The following ARHGEF40 variants were observed in gnomAD, a reference collection of about 807,000 sequenced individuals.
ARHGEF40 encodes the protein Rho guanine nucleotide exchange factor (GEF) 40.
In ARHGEF40, 98 loss-of-function variants were observed where a neutral mutation model predicts 165.9. The observed-to-expected ratio is 0.59, with a 90% CI of 0.50 to 0.70. ARHGEF40 has a LOEUF of 0.70. Ranked by LOEUF, ARHGEF40 falls within the 30% of genes least tolerant of loss-of-function variation. The pLI, the probability that ARHGEF40 is intolerant of heterozygous loss-of-function variation, is 0.00. For missense variants in ARHGEF40, 1,815 were observed against 1,968.0 expected, an observed-to-expected ratio of 0.92 and a Z score of 1.47; for synonymous variants, 792 against 814.3, an observed-to-expected ratio of 0.97 and a Z score of 0.47.
intron 23 of ARHGEF40, 37 bp downstream of exon 23, chr14:21,088,913 C>T (rs754180652): frequency 1.2e-5 from 20 of 1,601,626 alleles, no homozygotes; most frequent in Non-Finnish European, 1.6e-5. Flanking sequence ...ACATCCAGCA[C>T]TCCTACCATC....
chr14:21,077,790 C>G (rs115150532), intron 8 of ARHGEF40, among the ~76,000 whole-genome samples: 1 of 152,158 alleles, frequency 6.6e-6, no homozygotes, highest in African/African-American at 2.4e-5. Context: ...TAGATGGTCT[C>G]TAAGCTTCGC....
At chr14:21,088,325 T>G (rs1381522907) in intron 22 of ARHGEF40, among the ~76,000 whole-genome samples, 1 of 152,100 alleles carries the variant, frequency 6.6e-6, no homozygotes, top group Non-Finnish European at 1.5e-5. Context: ...ATAAGGAGTA[T>G]AGTGCTGGGG....
At position 21,087,338 on chromosome 14, in the gene ARHGEF40, C is replaced by A; in HGVS notation, c.4262C>A (p.Ser1421Tyr). 6.2e-7 allele frequency: 1 copy of A among 1,606,534 alleles called. No individual in the cohort carries two copies. ...LTGRAARTRA[S>Y]VAVSSFEHAG... is the part of the protein sequence containing the mutation. The stretch of plus-strand genomic sequence containing the variant: ...TCTGCAGCCGCCCGCACCCGGGCCT[C>A]CGTGGCCGTGTCATCCTTTGAGCAT... Residue 1421 changes from serine (S) to tyrosine (Y), a missense_variant, in exon 21 of 24, where the codon TCC (serine) becomes TAC (tyrosine). Coordinates refer to ENST00000298694, the MANE Select transcript of ARHGEF40 (RefSeq NM_018071.5).
chr14:21,087,609 C>A, intron 21 of ARHGEF40, 146 bp downstream of exon 21: 1 of 1,186,724 alleles, frequency 8.4e-7, no homozygotes, highest in Non-Finnish European at 1.2e-6. Context: ...CTAAAAGAGC[C>A]TTCCATCTGG....
In ARHGEF40 at chr14:21,085,823, T is replaced by A; in HGVS notation, c.4095T>A (p.Ser1365Arg). The change falls in exon 19 of 24, where the codon AGT becomes AGA. Residue 1365 changes from serine to arginine, a missense_variant. By Grantham distance (110) the Ser-to-Arg change is moderately radical. Transcript: ENST00000298694. Reference protein sequence around the residue: ...TSPEIKLKWTSSIAQLLWRQA... With the variant: ...TSPEIKLKWTRSIAQLLWRQA... ...CAGAGATCAAACTCAAGTGGACAAG[T>A]TCTATTGCCCAGCTGCTGTGGAGAC... 2 of 1,614,134 alleles carry A rather than the reference T, an allele frequency of 1.2e-6. No individual in the cohort carries two copies. The highest frequency in any genetic ancestry group is 1.7e-6 in the Non-Finnish European group (2 of 1,180,036).
chr14:21,085,890 G>C, intron 19 of ARHGEF40, 24 bp downstream of exon 19: 1 of 1,611,606 alleles, frequency 6.2e-7, no homozygotes, highest in Non-Finnish European at 8.5e-7. Context: ...CTGAGGAAGG[G>C]GGTGCTTGGA....
At chr14:21,084,517 T>C (rs1202574028) in intron 17 of ARHGEF40, among the ~76,000 whole-genome samples, 2 of 152,230 alleles carry the variant, frequency 1.3e-5, no homozygotes, top group African/African-American at 2.4e-5. Context: ...CAGGTGGCTA[T>C]AAACCCTACT....
chr14:21,063,668 G>T, the ARHGEF40 span, among the ~76,000 whole-genome samples: 7 of 152,332 alleles, frequency 4.6e-5, no homozygotes, highest in Admixed American at 4.6e-4. Flanking sequence ...TGACTCTGCT[G>T]GGGGTCTGCC....
rs993473842 is a variant in ARHGEF40 at position 21,082,214 on chromosome 14, C to T, written c.3252-30C>T. The stretch of plus-strand genomic sequence containing the variant: ...TTGGGGGTACTGGCTCCCTCCCACA[C>T]CTCCTCTGCCACTCCTATTGTGCCT... On this transcript the variant is annotated intron_variant, in intron 14 of 23. Transcript: ENST00000298694. The T allele has an allele frequency of 5.7e-6, 9 of 1,589,860 alleles. No individual in the cohort carries two copies. In the African/African-American group the frequency reaches 1.2e-4, roughly 21 times the overall value.
chr14:21,070,755 G>A lies in ARHGEF40; in HGVS notation c.3+356G>A, dbSNP rs1025754658. 39 of 1,491,592 alleles carry A rather than the reference G, an allele frequency of 2.6e-5. No individual in the cohort carries two copies. The highest frequency in any genetic ancestry group is 5.9e-5 in the Admixed American group (3 of 50,472). 92.4% of individuals were successfully genotyped at this position (1,491,592 alleles called of 1,614,324 possible). ...CCCTCCTGGTCCGAGCTCCTTACCC[G>A]CGGGAGACCCCTGCGGGTTGGTCCT... On this transcript the variant is annotated intron_variant, in intron 1 of 23. Coordinates refer to ENST00000298694, the MANE Select transcript of ARHGEF40 (RefSeq NM_018071.5). This position sits in a 1 kb window ranked among gnomAD's most constrained non-coding sequence, Gnocchi z 4.7.
chr14:21,064,600 C>T, the ARHGEF40 span, among the ~76,000 whole-genome samples: 1 of 152,176 alleles, frequency 6.6e-6, no homozygotes, highest in African/African-American at 2.4e-5. Flanking sequence ...CCGCACCCAG[C>T]CTACTTGATG....
Position 21,074,980 on chromosome 14 carries a change from T to C in ARHGEF40, c.1250T>C (p.Leu417Pro), listed in dbSNP as rs778327165. Residue 417 changes from leucine to proline, a missense_variant, in exon 3 of 24, where the codon CTG (leucine) becomes CCG (proline). Physicochemically the swap from Leu to Pro is moderately conservative, Grantham distance 98. Transcript: ENST00000298694. The surrounding 1 kb of genome is among the most constrained non-coding windows in gnomAD (Gnocchi z 4.8). ...DASHQEALGN[L>P]PSPSEHKLPE... Reference sequence around the variant, plus strand: ...AGCCACCAAGAAGCCCTTGGCAATCTGCCCTCACCAAGTGAGCACAAGCTT... The same window carrying C: ...AGCCACCAAGAAGCCCTTGGCAATCCGCCCTCACCAAGTGAGCACAAGCTT... 9.9e-6 allele frequency: 16 copies of C among 1,612,018 alleles called. No homozygotes were observed. The South Asian group carries it at 1.8e-4, about 18-fold the overall frequency.
chr14:21,082,537 A>C, intron 15 of ARHGEF40, 59 bp downstream of exon 15: 1 of 1,486,226 alleles, frequency 6.7e-7, no homozygotes, highest in Non-Finnish European at 9.0e-7. Context: ...AGCCTCATCC[A>C]TCTGTCCCTC....
In ARHGEF40 at chr14:21,073,171, G is replaced by T; in HGVS notation, c.130G>T (p.Ala44Ser). 6.2e-7 allele frequency: 1 copy of T among 1,614,026 alleles called. No individual in the cohort carries two copies. Among genetic ancestry groups the T allele is most frequent in the Non-Finnish European group, 8.5e-7 (1 of 1,179,992 alleles). Residue 44 changes from alanine (A) to serine (S), a missense_variant, in exon 2 of 24, where the codon GCA (alanine) becomes TCA (serine). Ala to Ser is a moderately conservative substitution (Grantham distance 99, BLOSUM62 1). Transcript: ENST00000298694. This position sits in a 1 kb window ranked among gnomAD's most constrained non-coding sequence, Gnocchi z 4.6. ...QVVERTYRED[A>S]LRYTLDFLVP... ...GGTGGAGAGGACTTATCGGGAGGAC[G>T]CACTGAGGTACACGCTGGACTTCCT...
chr14:21,074,141 C>A lies in ARHGEF40; in HGVS notation c.411C>A (p.Pro137=), dbSNP rs1283871332. The A allele has an allele frequency of 1.9e-6, 3 of 1,613,972 alleles. No individual in the cohort carries two copies. Among genetic ancestry groups the A allele is most frequent in the Non-Finnish European group, 2.5e-6 (3 of 1,180,008 alleles). The change falls in exon 3 of 24, where the codon CCC becomes CCA. Residue 137 remains proline, a synonymous_variant. Coordinates refer to ENST00000298694, the MANE Select transcript of ARHGEF40 (RefSeq NM_018071.5). The surrounding 1 kb of genome is among the most constrained non-coding windows in gnomAD (Gnocchi z 4.8). ...GGGRVQEVPV[P]NEACAYLFTP... is the part of the protein sequence containing the mutation. ...GGCGGGTGCAGGAGGTTCCTGTGCC[C>A]AATGAGGCTTGTGCCTACCTATTCA...
rs771870720 is a variant in ARHGEF40 at position 21,074,374 on chromosome 14, C to T, written c.644C>T (p.Pro215Leu). 6.2e-7 allele frequency: 1 copy of T among 1,613,958 alleles called. No individual in the cohort carries two copies. Among genetic ancestry groups the T allele is most frequent in the East Asian group, 2.2e-5 (1 of 44,880 alleles). ...TCTGGACCTCCAGGGCTTCCCAGCC[C>T]TCCACTTCCTGAGGAGGCGCTGGGT... ...LPSGPPGLPS[P>L]PLPEEALGTR... is the part of the protein sequence containing the mutation. Residue 215 changes from proline (P) to leucine (L), a missense_variant, in exon 3 of 24, where the codon CCT becomes CTT. Pro to Leu is a moderately conservative substitution (Grantham distance 98, BLOSUM62 -3). Coordinates refer to ENST00000298694, the MANE Select transcript of ARHGEF40 (RefSeq NM_018071.5). The surrounding 1 kb of genome is among the most constrained non-coding windows in gnomAD (Gnocchi z 4.8).
In ARHGEF40 at chr14:21,073,045, G is replaced by A. The variant is rs754302344; in HGVS notation, c.4G>A (p.Glu2Lys). 1 of 1,613,588 alleles carries A rather than the reference G, an allele frequency of 6.2e-7. No individual in the cohort carries two copies. ...CTGTAGCCTGGTCCTATCTCTACAG[G>A]AGCCTGAGCCAGTGGAGGACTGTGT... M[E>K]PEPVEDCVQS... Residue 2 changes from glutamate to lysine, a missense_variant and splice_region_variant, in exon 2 of 24, where the codon GAG becomes AAG. By Grantham distance (56) the Glu-to-Lys change is moderately conservative. Transcript: ENST00000298694. This position sits in a 1 kb window ranked among gnomAD's most constrained non-coding sequence, Gnocchi z 4.6.
At position 21,081,863 on chromosome 14, in the gene ARHGEF40, G is replaced by A; in HGVS notation, c.2995G>A (p.Gly999Arg). Reference sequence around the variant, plus strand: ...CTCCTTGCTGCTCCCCAGCAGCCCTGGGCCACGGCCAGCCCCATCCCATTG... The same window carrying A: ...CTCCTTGCTGCTCCCCAGCAGCCCTAGGCCACGGCCAGCCCCATCCCATTG... ...LSSLLLPSSP[G>R]PRPAPSHCSL... is the part of the protein sequence containing the mutation. Residue 999 changes from glycine (G) to arginine (R), a missense_variant, in exon 14 of 24, where the codon GGG (glycine) becomes AGG (arginine). Coordinates refer to ENST00000298694, the MANE Select transcript of ARHGEF40 (RefSeq NM_018071.5). 6.2e-7 allele frequency: 1 copy of A among 1,612,732 alleles called. No homozygotes were observed. Among genetic ancestry groups the A allele is most frequent in the Non-Finnish European group, 8.5e-7 (1 of 1,179,792 alleles).
At position 21,078,215 on chromosome 14, in the gene ARHGEF40, GGGCTCGGTAC is replaced by G; in HGVS notation, c.2077_2086del (p.Ser693ArgfsTer33). Reference sequence around the variant, plus strand: ...TATGTCGCCTGTGCCAAGGTGTGCTGGGCTCGGTACGGCAGGCCATTGAGGAGCTGGAGGG... The same window carrying G: ...TATGTCGCCTGTGCCAAGGTGTGCTGGGCAGGCCATTGAGGAGCTGGAGGG... On this transcript the variant is annotated frameshift_variant, in exon 9 of 24. Coordinates refer to ENST00000298694, the MANE Select transcript of ARHGEF40 (RefSeq NM_018071.5). LOFTEE classifies it high-confidence loss of function. The G allele has an allele frequency of 6.2e-7, 1 of 1,614,100 alleles. No individual in the cohort carries two copies. The highest frequency in any genetic ancestry group is 2.2e-5 in the East Asian group (1 of 44,884).
Sources: gnomAD v4.1 joint callset for allele counts (sites outside exome capture counted in the v4.1 genomes callset) on GRCh38, gnomAD v4.1.1 for gene constraint, Gnocchi (gnomAD v3.1) non-coding constraint, MANE v1.5 for transcripts, NCBI Gene and HGNC (gene_info 2026-07-23, HGNC 2026-07-21) for gene names.